Variants in BICD1 observed in about 807,000 individuals in gnomAD.
BICD1 encodes the protein BICD cargo adaptor 1.
BICD1 carries 35 observed loss-of-function variants against 92.5 expected under a neutral mutation model. That is an observed-to-expected ratio of 0.38 (90% CI 0.29 to 0.50). BICD1 has a LOEUF of 0.50. BICD1 is among the 20% of genes least tolerant of loss of function. The pLI, the probability that BICD1 is intolerant of heterozygous loss-of-function variation, is 0.93. For synonymous variants in BICD1, 429 were observed against 465.1 expected (o/e 0.92, Z 1.00); for missense variants, 950 against 1,189.8 (o/e 0.80, Z 2.97).
intron 3 of BICD1, among the ~76,000 whole-genome samples, chr12:32,296,266 T>C (rs1347596758): frequency 6.8e-6 from 1 of 146,740 alleles, no homozygotes; most frequent in South Asian, 2.2e-4. Context: ...GTTTTTTTTT[T>C]TTTTTTTTGA....
chr12:32,163,371 A>G, intron 1 of BICD1, among the ~76,000 whole-genome samples: 1 of 152,154 alleles, frequency 6.6e-6, no homozygotes, highest in Admixed American at 6.5e-5. Context: ...TTTTTATTAT[A>G]AGACTAATAC....
intron 2 of BICD1, among the ~76,000 whole-genome samples, chr12:32,231,278 T>G (rs780757105): frequency 1.3e-5 from 2 of 151,902 alleles, no homozygotes; most frequent in African/African-American, 4.8e-5. Context: ...AACCCAAGAG[T>G]TTGAGACCAT....
intron 1 of BICD1, among the ~76,000 whole-genome samples, chr12:32,124,185 A>ATT (rs1942250467): frequency 6.6e-6 from 1 of 152,240 alleles, no homozygotes; most frequent in South Asian, 2.1e-4. Flanking sequence ...AATGTCTGTT[A>ATT]TTCATTTATT....
Position 32,337,297 on chromosome 12 carries a change from A to G in BICD1, c.2253-202A>G, listed in dbSNP as rs549822753. ...CAACAAAATAATAATAAATTTTTTA[A>G]AAATGTCCCATATATCTCATTGTAT... On this transcript the variant is annotated intron_variant, in intron 6 of 9. Transcript: ENST00000652176. This position sits in a 1 kb window ranked among gnomAD's most constrained non-coding sequence, Gnocchi z 4.7. Among the ~76,000 whole-genome samples the G allele has an allele frequency of 1.3e-5, 2 of 152,326 alleles. No individual in the cohort carries two copies. The highest frequency in any genetic ancestry group is 4.1e-4 in the South Asian group (2 of 4,830).
At chr12:32,235,420 G>A (rs906959335) in intron 2 of BICD1, among the ~76,000 whole-genome samples, 1 of 152,052 alleles carries the variant, frequency 6.6e-6, no homozygotes, top group Non-Finnish European at 1.5e-5. Context: ...ATGAAATGAT[G>A]TTTCACAACC....
intron 1 of BICD1, among the ~76,000 whole-genome samples, chr12:32,210,810 A>G (rs1301139815): frequency 2.0e-5 from 3 of 152,252 alleles, no homozygotes; most frequent in Admixed American, 1.3e-4. Context: ...ACTACCCTAT[A>G]TCTCCTATAA....
chr12:32,217,422 A>G (rs1945393214), intron 2 of BICD1, among the ~76,000 whole-genome samples: 1 of 152,244 alleles, frequency 6.6e-6, no homozygotes, highest in African/African-American at 2.4e-5. Flanking sequence ...TCACTATTAT[A>G]AGATATAAGT....
chr12:32,210,395 A>G (rs1308980531), intron 1 of BICD1, among the ~76,000 whole-genome samples: 2 of 152,196 alleles, frequency 1.3e-5, no homozygotes, highest in African/African-American at 4.8e-5. Context: ...TAAATATACT[A>G]GTCAAAATTT....
At chr12:32,260,087 G>A (rs1377569311) in intron 2 of BICD1, among the ~76,000 whole-genome samples, 1 of 150,990 alleles carries the variant, frequency 6.6e-6, no homozygotes. Flanking sequence ...ACCACGCCCA[G>A]CTAATTTTTG....
intron 1 of BICD1, among the ~76,000 whole-genome samples, chr12:32,125,419 C>T (rs1942294409): frequency 6.6e-6 from 1 of 152,198 alleles, no homozygotes; most frequent in Non-Finnish European, 1.5e-5. Flanking sequence ...CATTTTCTTT[C>T]TCCTCTGGGA....
chr12:32,130,555 G>A (rs1393525397), intron 1 of BICD1, among the ~76,000 whole-genome samples: 2 of 152,194 alleles, frequency 1.3e-5, no homozygotes, highest in Non-Finnish European at 2.9e-5. Flanking sequence ...AGTGTGAATT[G>A]CTGTGAACTT....
chr12:32,122,264 G>A (rs1182901395), intron 1 of BICD1, among the ~76,000 whole-genome samples: 2 of 151,896 alleles, frequency 1.3e-5, no homozygotes, highest in Admixed American at 6.6e-5. Flanking sequence ...AACACAGATC[G>A]AGACCATCCT....
At chr12:32,343,356 C>T (rs1938452385) in intron 8 of BICD1, among the ~76,000 whole-genome samples, 1 of 152,044 alleles carries the variant, frequency 6.6e-6, no homozygotes, top group East Asian at 1.9e-4. Context: ...TCCTCCGTCC[C>T]CTCTTCCTCC....
chr12:32,325,095 C>G (rs1456455281), intron 4 of BICD1, among the ~76,000 whole-genome samples: 1 of 151,848 alleles, frequency 6.6e-6, no homozygotes, highest in Non-Finnish European at 1.5e-5. Flanking sequence ...TGCCTCAGCC[C>G]CTGGAGTAGC....
intron 2 of BICD1, among the ~76,000 whole-genome samples, chr12:32,225,913 C>T (rs183241023): frequency 8.5e-5 from 13 of 152,138 alleles, no homozygotes; most frequent in East Asian, 7.7e-4. Flanking sequence ...TGAGCCACCA[C>T]GCCTGGCCTT....
chr12:32,288,444 C>T (rs1212849412), intron 2 of BICD1, among the ~76,000 whole-genome samples: 2 of 151,876 alleles, frequency 1.3e-5, no homozygotes, highest in Non-Finnish European at 2.9e-5. Context: ...CTGGATGGGG[C>T]TCACCATGTT....
chr12:32,324,160 C>A (rs1051432074), intron 4 of BICD1, among the ~76,000 whole-genome samples: 1 of 152,014 alleles, frequency 6.6e-6, no homozygotes, highest in Non-Finnish European at 1.5e-5. Context: ...CCCATTTCTA[C>A]TAAAAACCCC....
intron 1 of BICD1, among the ~76,000 whole-genome samples, chr12:32,132,683 T>C (rs1176984417): frequency 6.6e-6 from 1 of 152,022 alleles, no homozygotes; most frequent in African/African-American, 2.4e-5. Context: ...GTGGCAGTTG[T>C]TGGGGAGGGG....
chr12:32,171,102 G>A (rs968555261), intron 1 of BICD1, among the ~76,000 whole-genome samples: 2 of 152,226 alleles, frequency 1.3e-5, no homozygotes, highest in Admixed American at 6.5e-5. Flanking sequence ...GAAGTTTACT[G>A]CTCCTCCTGG....
Sources: allele counts gnomAD v4.1 joint callset (sites outside exome capture counted in the v4.1 genomes callset), GRCh38; gene constraint gnomAD v4.1.1; non-coding constraint Gnocchi (gnomAD v3.1); transcripts MANE v1.5; gene names NCBI Gene and HGNC (gene_info 2026-07-23, HGNC 2026-07-21).